The following ADCY3 variants were observed in gnomAD, a reference collection of about 807,000 sequenced individuals.
ADCY3 encodes the protein adenylate cyclase 3, also known as adenylate cyclase type 3.
ADCY3 carries 70 observed loss-of-function variants against 119.4 expected under a neutral mutation model. The observed-to-expected ratio is 0.59, with a 90% CI of 0.48 to 0.72. The LOEUF (loss-of-function observed/expected upper bound fraction) is 0.72, where lower values mean the gene tolerates loss of function less well. Ranked by LOEUF, ADCY3 falls within the 30% of genes least tolerant of loss-of-function variation. ADCY3 has a pLI of 0.00. For synonymous variants in ADCY3, 672 were observed against 621.4 expected (o/e 1.08, Z -1.21); for missense variants, 1,238 against 1,541.6 (o/e 0.80, Z 3.30).
At chr2:24,820,917 C>T (rs1667550911) in intron 20 of ADCY3, 69 bp from the exon 21 acceptor site, 2 of 1,575,704 alleles carry the variant, frequency 1.3e-6, no homozygotes, top group Admixed American at 1.8e-5. Flanking sequence ...GAAGCCATCT[C>T]CTCTCCAGAC....
chr2:24,865,067 C>T (rs113552058), intron 3 of ADCY3, among the ~76,000 whole-genome samples: 160 of 152,084 alleles, frequency 1.1e-3, no homozygotes, highest in African/African-American at 3.5e-3. Flanking sequence ...CTATGGAGAG[C>T]GCAACAAAAT....
intron 2 of ADCY3, among the ~76,000 whole-genome samples, chr2:24,900,808 T>C (rs955548224): frequency 3.3e-5 from 5 of 152,196 alleles, no homozygotes; most frequent in Admixed American, 3.3e-4. Flanking sequence ...CTCATGCCTG[T>C]AATCCCAGCA....
At chr2:24,910,121 C>A (rs1289711308) in intron 2 of ADCY3, among the ~76,000 whole-genome samples, 1 of 152,194 alleles carries the variant, frequency 6.6e-6, no homozygotes, top group Non-Finnish European at 1.5e-5. Flanking sequence ...AATGAGTGAC[C>A]CCAGCCCATG....
chr2:24,904,137 CAGAGAGAGAG>C (rs10566562), intron 2 of ADCY3, among the ~76,000 whole-genome samples: 1 of 150,082 alleles, frequency 6.7e-6, no homozygotes, highest in Non-Finnish European at 1.5e-5. Context: ...AGGAAGGAGA[CAGAGAGAGAG>C]AGAAAGAAAG....
At chr2:24,876,300 T>C (rs1022460908) in intron 2 of ADCY3, among the ~76,000 whole-genome samples, 1 of 152,210 alleles carries the variant, frequency 6.6e-6, no homozygotes, top group Non-Finnish European at 1.5e-5. Context: ...TAGAGATTTT[T>C]AAAACTGAAA....
At chr2:24,830,859 T>A in intron 12 of ADCY3, 34 bp from the exon 13 acceptor site, 1 of 1,541,570 alleles carries the variant, frequency 6.5e-7, no homozygotes. Flanking sequence ...GCCATGAGCC[T>A]TTGCCAGTCC....
At chr2:24,862,768 T>C (rs73923448) in intron 3 of ADCY3, among the ~76,000 whole-genome samples, 1,605 of 152,238 alleles carry the variant, frequency 0.011, 20 homozygotes, top group African/African-American at 0.036. Flanking sequence ...ATCTAATTTA[T>C]AATACCATAT....
chr2:24,903,821 T>C (rs994573832), intron 2 of ADCY3, among the ~76,000 whole-genome samples: 1 of 152,152 alleles, frequency 6.6e-6, no homozygotes, highest in African/African-American at 2.4e-5. Flanking sequence ...CCTCAGGTGT[T>C]GTGCGTCACT....
At chr2:24,824,566 C>T in intron 16 of ADCY3, 30 bp from the exon 17 acceptor site, 1 of 1,609,898 alleles carries the variant, frequency 6.2e-7, no homozygotes, top group South Asian at 1.1e-5. Context: ...GAGGCATGTG[C>T]TCTAAGCTGG....
chr2:24,908,323 CA>C (rs199521778), intron 2 of ADCY3, among the ~76,000 whole-genome samples: 1 of 146,490 alleles, frequency 6.8e-6, no homozygotes. Flanking sequence ...AACTCCGTCT[CA>C]AAAAAAAAGA....
intron 17 of ADCY3, among the ~76,000 whole-genome samples, chr2:24,823,690 CT>C (rs11308691): frequency 0.33 from 44,228 of 132,316 alleles, 6,756 homozygotes; most frequent in Middle Eastern, 0.39. Context: ...CTCATCGCTA[CT>C]TTTTTTTTTT....
At chr2:24,822,766 A>C (rs961475577) in intron 18 of ADCY3, 136 bp from the exon 19 acceptor site, 5 of 1,200,348 alleles carry the variant, frequency 4.2e-6, no homozygotes, top group Non-Finnish European at 5.7e-6. Flanking sequence ...TACTTAGTCT[A>C]CCGCTTATCT....
intron 2 of ADCY3, among the ~76,000 whole-genome samples, chr2:24,912,886 CAG>C (rs1663961318): frequency 6.6e-6 from 1 of 152,148 alleles, no homozygotes; most frequent in Non-Finnish European, 1.5e-5. Context: ...AAAGCTGCGA[CAG>C]GGAAAGGATG....
chr2:24,910,160 G>T (rs1464535488), intron 2 of ADCY3, among the ~76,000 whole-genome samples: 1 of 152,196 alleles, frequency 6.6e-6, no homozygotes, highest in Non-Finnish European at 1.5e-5. Flanking sequence ...CCACCCAGCT[G>T]AACAGTCAAC....
chr2:24,888,048 G>A (rs1677269554), intron 2 of ADCY3, among the ~76,000 whole-genome samples: 1 of 152,220 alleles, frequency 6.6e-6, no homozygotes, highest in Non-Finnish European at 1.5e-5. Flanking sequence ...AAATTTGGCT[G>A]TGCTGACATT....
chr2:24,824,195 C>T (rs1044958012), intron 17 of ADCY3, among the ~76,000 whole-genome samples, 183 bp downstream of exon 17: 8 of 152,216 alleles, frequency 5.3e-5, no homozygotes, highest in Admixed American at 5.2e-4. Context: ...TACAGCAGTG[C>T]ACTTTATAAG....
chr2:24,908,869 G>C (rs745925804), intron 2 of ADCY3, among the ~76,000 whole-genome samples: 9 of 149,844 alleles, frequency 6.0e-5, no homozygotes, highest in Non-Finnish European at 1.2e-4. Context: ...GCAGGGGCGG[G>C]TTACAGATGT....
chr2:24,828,269 C>T, intron 13 of ADCY3, 108 bp from the exon 14 acceptor site: 1 of 1,353,828 alleles, frequency 7.4e-7, no homozygotes, highest in Non-Finnish European at 1.0e-6. Flanking sequence ...TCCCGCGGCT[C>T]CCCCAGAAAT....
chr2:24,865,107 A>G (rs1438000706), intron 3 of ADCY3, among the ~76,000 whole-genome samples: 1 of 152,240 alleles, frequency 6.6e-6, no homozygotes, highest in Non-Finnish European at 1.5e-5. Flanking sequence ...ATGACTGAAC[A>G]CAGTCATTAA....
Sources: allele counts gnomAD v4.1 joint callset (sites outside exome capture counted in the v4.1 genomes callset), GRCh38; gene constraint gnomAD v4.1.1; transcripts MANE v1.5; gene names NCBI Gene and HGNC (gene_info 2026-07-23, HGNC 2026-07-21).